MMEL1: variants seen among roughly 807,000 people sequenced by gnomAD.
MMEL1 encodes membrane metalloendopeptidase like 1.
Under a neutral mutation model 117.1 loss-of-function variants are expected in MMEL1, and 98 were observed. The observed-to-expected ratio is 0.84, with a 90% CI of 0.71 to 0.99. The LOEUF is 0.99. Among genes scored for constraint, MMEL1 ranks in the 50% least tolerant of loss-of-function variants. MMEL1 has a pLI of 0.00. For synonymous variants in MMEL1, 390 were observed against 415.1 expected (o/e 0.94, Z 0.74); for missense variants, 1,014 against 1,049.1 (o/e 0.97, Z 0.46).
intron 11 of MMEL1, among the ~76,000 whole-genome samples, chr1:2,599,303 C>T (rs549690988): frequency 3.3e-5 from 5 of 152,154 alleles, no homozygotes; most frequent in South Asian, 2.1e-4. Context: ...AAGCCAGTCT[C>T]GTTTATGTCA....
At chr1:2,607,802 G>C (rs1057328019) in intron 6 of MMEL1, among the ~76,000 whole-genome samples, 10 of 152,166 alleles carry the variant, frequency 6.6e-5, no homozygotes, top group African/African-American at 2.4e-4. Flanking sequence ...CTAGAGGCCG[G>C]CCTCCTCTGG....
rs533736775 is a variant in MMEL1, at chr1:2,611,374, C to A, written c.233-34G>T. On this transcript the variant is annotated intron_variant, in intron 3 of 23. Coordinates refer to ENST00000378412, the MANE Select transcript of MMEL1 (RefSeq NM_033467.4). Reference sequence around the variant, plus strand: ...AAGGAGCAGCCTGAGCACCGGGAGCCACGGAGAGGGTGGGGCAGGACTGGA... The same window carrying A: ...AAGGAGCAGCCTGAGCACCGGGAGCAACGGAGAGGGTGGGGCAGGACTGGA... 4.7e-6 allele frequency: 7 copies of A among 1,475,096 alleles called. No individual in the cohort carries two copies. In the East Asian group the frequency reaches 1.9e-4, roughly 40 times the overall value. 91.4% of individuals were successfully genotyped at this position (1,475,096 alleles called of 1,614,324 possible).
intron 1 of MMEL1, chr1:2,629,776 C>T (rs1638458524): frequency 2.8e-6 from 1 of 353,392 alleles, no homozygotes; most frequent in Non-Finnish European, 5.1e-6. Flanking sequence ...AAGCTGGACC[C>T]AGGAGGCTCA....
chr1:2,613,537 C>T (rs1645160701), intron 2 of MMEL1, among the ~76,000 whole-genome samples: 1 of 152,112 alleles, frequency 6.6e-6, no homozygotes, highest in African/African-American at 2.4e-5. Flanking sequence ...AGCTGGAGAA[C>T]CTACAGCATG....
intron 2 of MMEL1, among the ~76,000 whole-genome samples, chr1:2,628,727 T>C (rs540583744): frequency 5.9e-4 from 89 of 150,272 alleles, no homozygotes; most frequent in Non-Finnish European, 8.7e-4. Context: ...GGGGGAGTGT[T>C]CCCGGGACAG....
intron 2 of MMEL1, among the ~76,000 whole-genome samples, 181 bp downstream of exon 2, chr1:2,629,150 C>CT (rs1365584674): frequency 1.3e-5 from 2 of 152,114 alleles, no homozygotes; most frequent in African/African-American, 4.8e-5. Context: ...GTCAGTGCCC[C>CT]TCCCGCCGCC....
chr1:2,614,018 A>G (rs1645167776), intron 2 of MMEL1, among the ~76,000 whole-genome samples: 1 of 152,214 alleles, frequency 6.6e-6, no homozygotes, highest in South Asian at 2.1e-4. Flanking sequence ...GAATAGGTGA[A>G]GAACAAGGGA....
chr1:2,598,832 AGGGAGAAACAGTTCCT>A (rs1045082468), intron 11 of MMEL1, 42 bp from the exon 12 acceptor site: 1 of 1,526,394 alleles, frequency 6.6e-7, no homozygotes, highest in Non-Finnish European at 9.0e-7. Context: ...AGAGAGAGAG[AGGGAGAAACAGTTCCT>A]GGGAATCTAA....
At chr1:2,597,999 G>A (rs901730976) in intron 13 of MMEL1, among the ~76,000 whole-genome samples, 2 of 152,164 alleles carry the variant, frequency 1.3e-5, no homozygotes, top group African/African-American at 4.8e-5. Flanking sequence ...CTGCCTCCCC[G>A]CCACATCATA....
chr1:2,598,066 C>T, intron 13 of MMEL1, 141 bp downstream of exon 13: 1 of 734,484 alleles, frequency 1.4e-6, no homozygotes, highest in Non-Finnish European at 2.3e-6. Context: ...GTCCACTCCC[C>T]ACTGGGGTGG....
chr1:2,593,885 G>A lies in MMEL1; in HGVS notation c.1796C>T (p.Pro599Leu). Residue 599 changes from proline to leucine, a missense_variant, in exon 19 of 24, where the codon CCA becomes CTA. Transcript: ENST00000378412. ...AATGCCTCCAAAGTTCAAGGCCTGTGGCTGCTCCTTGCTGAAGAAGGGGGG... is the reference window on the plus strand; with the variant it reads ...AATGCCTCCAAAGTTCAAGGCCTGTAGCTGCTCCTTGCTGAAGAAGGGGGG... ...LQPPFFSKEQ[P>L]QALNFGGIGM... 1.2e-6 allele frequency: 2 copies of A among 1,612,558 alleles called. No individual in the cohort carries two copies. The highest frequency in any genetic ancestry group is 1.7e-6 in the Non-Finnish European group (2 of 1,179,248).
Position 2,629,435 on chromosome 1 carries a change from G to C in MMEL1, c.50C>G (p.Ala17Gly). The C allele has an allele frequency of 1.3e-6, 2 of 1,544,302 alleles. No individual in the cohort carries two copies. The highest frequency in any genetic ancestry group is 1.7e-6 in the Non-Finnish European group (2 of 1,145,428). ...PVGMVESAGR[A>G]GQKRPGFLEG... ...CAGGAACCCCGGGCGCTTCTGCCCT[G>C]CACGGCCGGCGCTCTCCACCATCCC... is the stretch of plus-strand genomic sequence containing the variant. Residue 17 changes from alanine (A) to glycine (G), a missense_variant, in exon 2 of 24, where the codon GCA (alanine) becomes GGA (glycine). By Grantham distance (60) the Ala-to-Gly change is moderately conservative. Transcript: ENST00000378412.
intron 2 of MMEL1, among the ~76,000 whole-genome samples, chr1:2,615,650 G>A (rs961230989): frequency 6.6e-6 from 1 of 152,184 alleles, no homozygotes; most frequent in African/African-American, 2.4e-5. Flanking sequence ...TGTGGCAAAT[G>A]TATCAGGCTA....
At chr1:2,592,221 CG>C (rs5772070) in intron 21 of MMEL1, among the ~76,000 whole-genome samples, 194 bp from the exon 22 acceptor site, 65,115 of 107,634 alleles carry the variant, frequency 0.6, 21,459 homozygotes, top group African/African-American at 0.83. Context: ...GCTGGGCCCT[CG>C]GGGGGGGATC....
At chr1:2,608,354 G>C (rs1433308455) in intron 6 of MMEL1, among the ~76,000 whole-genome samples, 3 of 152,110 alleles carry the variant, frequency 2.0e-5, no homozygotes, top group Admixed American at 1.3e-4. Context: ...AACGGTGCTG[G>C]GCCGGGGGTG....
At chr1:2,596,163 GC>G (rs1267864820) in intron 14 of MMEL1, 56 bp from the exon 15 acceptor site, 1 of 1,500,546 alleles carries the variant, frequency 6.7e-7, no homozygotes, top group Non-Finnish European at 9.2e-7. Flanking sequence ...CGAATGACCA[GC>G]CTCAAGGGCT....
chr1:2,632,289 C>T (rs892004728), intron 1 of MMEL1, among the ~76,000 whole-genome samples: 3 of 152,226 alleles, frequency 2.0e-5, no homozygotes, highest in East Asian at 1.9e-4. Context: ...GTCAGCTCCA[C>T]GGGCAGGGGC....
At chr1:2,621,278 C>T (rs1449313871) in intron 2 of MMEL1, among the ~76,000 whole-genome samples, 1 of 152,156 alleles carries the variant, frequency 6.6e-6, no homozygotes, top group African/African-American at 2.4e-5. Flanking sequence ...GAGTGAGACC[C>T]TGTCTCAAAA....
chr1:2,603,429 G>T (rs1557532850), intron 11 of MMEL1, among the ~76,000 whole-genome samples: 1 of 152,182 alleles, frequency 6.6e-6, no homozygotes, highest in Non-Finnish European at 1.5e-5. Context: ...GCGGTGCCTG[G>T]CCTGGGCACT....
Sources: allele counts gnomAD v4.1 joint callset (sites outside exome capture counted in the v4.1 genomes callset), GRCh38; gene constraint gnomAD v4.1.1; transcripts MANE v1.5; gene names NCBI Gene and HGNC (gene_info 2026-07-23, HGNC 2026-07-21).